The following SLC8A1 variants were observed in gnomAD, a reference collection of about 807,000 sequenced individuals.
SLC8A1 encodes solute carrier family 8 member A1, also known as sodium/calcium exchanger 1.
Under a neutral mutation model 68.3 loss-of-function variants are expected in SLC8A1, and 18 were observed. That is an observed-to-expected ratio of 0.26 (90% CI 0.18 to 0.39). The LOEUF (loss-of-function observed/expected upper bound fraction) is 0.39. Among genes scored for constraint, SLC8A1 ranks in the 10% least tolerant of loss-of-function variants. The probability of loss-of-function intolerance (pLI) is 1.00; values close to 1 mark genes in which losing one functional copy is unlikely to be tolerated. For missense variants in SLC8A1, 985 were observed against 1,156.7 expected (o/e 0.85, Z 2.15); for synonymous variants, 475 against 415.5 (o/e 1.14, Z -1.74).
At chr2:40,422,547 C>A (rs1054525810) in intron 2 of SLC8A1, among the ~76,000 whole-genome samples, 10 of 152,110 alleles carry the variant, frequency 6.6e-5, no homozygotes, top group Non-Finnish European at 1.0e-4. Context: ...AAACCTCTTC[C>A]CATTTCACAA....
chr2:40,430,434 G>A (rs567633148), intron 1 of SLC8A1, 130 bp from the exon 2 acceptor site: 44 of 908,376 alleles, frequency 4.8e-5, no homozygotes, highest in South Asian at 1.3e-4. Context: ...TCACAAAACC[G>A]AAATTTGTTT....
intron 2 of SLC8A1, among the ~76,000 whole-genome samples, chr2:40,292,537 A>T (rs114556305): frequency 0.012 from 1,794 of 152,290 alleles, 34 homozygotes; most frequent in African/African-American, 0.041. Context: ...ATTATCCATC[A>T]TGGGGACAAA....
At chr2:40,480,569 AT>A (rs1273683840) in intron 1 of SLC8A1, among the ~76,000 whole-genome samples, 70 of 152,154 alleles carry the variant, frequency 4.6e-4, no homozygotes, top group African/African-American at 1.6e-3. Flanking sequence ...AGTTTATGGG[AT>A]TTTTGTTATA....
intron 1 of SLC8A1, among the ~76,000 whole-genome samples, chr2:40,507,630 C>A (rs965328837): frequency 1.3e-5 from 2 of 152,006 alleles, no homozygotes; most frequent in African/African-American, 4.8e-5. Flanking sequence ...AGCTTAAATG[C>A]AGCCTTCAAA....
intron 1 of SLC8A1, among the ~76,000 whole-genome samples, chr2:40,437,521 A>G (rs1394825336): frequency 1.3e-5 from 2 of 152,140 alleles, no homozygotes; most frequent in East Asian, 3.9e-4. Flanking sequence ...GTCAGGAGAA[A>G]AGCAAATGAA....
chr2:40,239,800 C>T (rs1465507842), intron 2 of SLC8A1, among the ~76,000 whole-genome samples: 1 of 152,180 alleles, frequency 6.6e-6, no homozygotes, highest in East Asian at 1.9e-4. Context: ...GAGTGAAGTA[C>T]AATTTGCTTA....
chr2:40,411,689 G>C (rs1486843638), intron 2 of SLC8A1, among the ~76,000 whole-genome samples: 1 of 151,856 alleles, frequency 6.6e-6, no homozygotes. Flanking sequence ...TAGATATTAA[G>C]ACTTTAAAGA....
chr2:40,348,885 G>C (rs1013844875), intron 2 of SLC8A1, among the ~76,000 whole-genome samples: 1 of 152,218 alleles, frequency 6.6e-6, no homozygotes, highest in African/African-American at 2.4e-5. Context: ...GGGCCTTCAT[G>C]TTGTTGTTAC....
intron 2 of SLC8A1, among the ~76,000 whole-genome samples, chr2:40,369,342 G>C (rs1677257743): frequency 6.6e-6 from 1 of 152,058 alleles, no homozygotes; most frequent in Non-Finnish European, 1.5e-5. Context: ...TTTCTAGTGT[G>C]TCTGCAACCT....
chr2:40,358,761 A>G (rs1328767659), intron 2 of SLC8A1, among the ~76,000 whole-genome samples: 3 of 152,192 alleles, frequency 2.0e-5, no homozygotes, highest in South Asian at 4.1e-4. Flanking sequence ...TCCTACTCTC[A>G]TAAGGTTTTT....
At chr2:40,426,872 G>C (rs1285940550) in intron 2 of SLC8A1, among the ~76,000 whole-genome samples, 1 of 151,680 alleles carries the variant, frequency 6.6e-6, no homozygotes, top group Admixed American at 6.6e-5. Context: ...TAATCAATAG[G>C]GAAAGAATTC....
intron 2 of SLC8A1, among the ~76,000 whole-genome samples, chr2:40,185,351 G>GATA (rs2050509372): frequency 6.6e-6 from 1 of 152,146 alleles, no homozygotes; most frequent in Non-Finnish European, 1.5e-5. Context: ...AGGTTCATCG[G>GATA]CTGATAAATG....
chr2:40,420,351 G>A (rs1461190940), intron 2 of SLC8A1, among the ~76,000 whole-genome samples: 2 of 131,042 alleles, frequency 1.5e-5, no homozygotes, highest in Non-Finnish European at 3.2e-5. Flanking sequence ...GGATTGTCTG[G>A]TAACACATTA....
At chr2:40,301,714 G>A (rs879920302) in intron 2 of SLC8A1, among the ~76,000 whole-genome samples, 2 of 151,940 alleles carry the variant, frequency 1.3e-5, no homozygotes, top group African/African-American at 2.4e-5. Flanking sequence ...GTCCAGATAT[G>A]GAAAGTTCCT....
At chr2:40,324,717 A>G (rs2075616863) in intron 2 of SLC8A1, among the ~76,000 whole-genome samples, 1 of 151,632 alleles carries the variant, frequency 6.6e-6, no homozygotes, top group Non-Finnish European at 1.5e-5. Flanking sequence ...TCTTTTATTC[A>G]GAGGCATCAA....
At chr2:40,459,860 A>G (rs944318355) in intron 1 of SLC8A1, among the ~76,000 whole-genome samples, 7 of 152,090 alleles carry the variant, frequency 4.6e-5, no homozygotes, top group Non-Finnish European at 1.0e-4. Context: ...TATACTATAC[A>G]CAACACACAC....
chr2:40,410,483 T>A (rs1476936164), intron 2 of SLC8A1, among the ~76,000 whole-genome samples: 1 of 152,126 alleles, frequency 6.6e-6, no homozygotes, highest in Non-Finnish European at 1.5e-5. Flanking sequence ...AGAGATAATC[T>A]ATTTGCAAAT....
At chr2:40,364,840 G>C (rs1158461800) in intron 2 of SLC8A1, among the ~76,000 whole-genome samples, 1 of 152,066 alleles carries the variant, frequency 6.6e-6, no homozygotes, top group Non-Finnish European at 1.5e-5. Flanking sequence ...GGATAAGAAA[G>C]TGAAAGTGCT....
At chr2:40,341,191 G>T (rs1183318822) in intron 2 of SLC8A1, among the ~76,000 whole-genome samples, 1 of 152,150 alleles carries the variant, frequency 6.6e-6, no homozygotes, top group Non-Finnish European at 1.5e-5. Flanking sequence ...ACATACGGGA[G>T]TGTGAGACTG....
Sources: gnomAD v4.1 joint callset for allele counts (sites outside exome capture counted in the v4.1 genomes callset) on GRCh38, gnomAD v4.1.1 for gene constraint, MANE v1.5 for transcripts, NCBI Gene and HGNC (gene_info 2026-07-23, HGNC 2026-07-21) for gene names.